MEIS2: variants seen among roughly 807,000 people sequenced by gnomAD.
MEIS2 encodes homeobox protein Meis2.
MEIS2 carries 9 observed loss-of-function variants against 58.6 expected under a neutral mutation model. The ratio of observed to expected loss-of-function variants is 0.15; its 90% confidence interval spans 0.09 to 0.27. The LOEUF (loss-of-function observed/expected upper bound fraction) is 0.27, where lower values mean the gene tolerates loss of function less well. Among genes scored for constraint, MEIS2 ranks in the 10% least tolerant of loss-of-function variants. The pLI is 1.00. For missense variants in MEIS2, 427 were observed against 635.0 expected, an observed-to-expected ratio of 0.67 and a Z score of 3.52; for synonymous variants, 221 against 228.4, an observed-to-expected ratio of 0.97 and a Z score of 0.29.
Position 36,989,891 on chromosome 15 carries a change from G to A in MEIS2, c.901-39491C>T, listed in dbSNP as rs549526234. On this transcript the variant is annotated intron_variant, in intron 8 of 11. Transcript: ENST00000561208. ...GTTGGTAGTCCCCATTAGGCTGTAGGTCACTTGAAGTGGGGGCATTGTATC... is the reference window on the plus strand; with the variant it reads ...GTTGGTAGTCCCCATTAGGCTGTAGATCACTTGAAGTGGGGGCATTGTATC... Among the ~76,000 whole-genome samples, 10 of 152,272 alleles carry A rather than the reference G, an allele frequency of 6.6e-5. No homozygotes were observed. The South Asian group carries it at 2.1e-3, about 32-fold the overall frequency.
chr15:36,919,594 A>C (rs934307525), intron 9 of MEIS2, among the ~76,000 whole-genome samples: 7 of 143,166 alleles, frequency 4.9e-5, no homozygotes, highest in Non-Finnish European at 1.1e-4. Flanking sequence ...AAAAAAAAAA[A>C]TTGGAAACAG....
At chr15:36,993,595 G>A (rs1167293231) in intron 8 of MEIS2, among the ~76,000 whole-genome samples, 1 of 152,062 alleles carries the variant, frequency 6.6e-6, no homozygotes, top group African/African-American at 2.4e-5. Context: ...TCACCTCCTA[G>A]ATCCCTAACA....
At chr15:36,940,131 C>T (rs2058323301) in intron 9 of MEIS2, among the ~76,000 whole-genome samples, 1 of 152,186 alleles carries the variant, frequency 6.6e-6, no homozygotes, top group African/African-American at 2.4e-5. Flanking sequence ...ATCTGCAGAG[C>T]TTTGGAACTG....
intron 8 of MEIS2, among the ~76,000 whole-genome samples, chr15:37,004,111 A>G (rs774860575): frequency 6.6e-6 from 1 of 152,234 alleles, no homozygotes; most frequent in Non-Finnish European, 1.5e-5. Flanking sequence ...TTGGGCCTCC[A>G]CAACTACTGG....
chr15:36,909,117 C>T (rs1369522995), intron 9 of MEIS2, among the ~76,000 whole-genome samples: 1 of 152,094 alleles, frequency 6.6e-6, no homozygotes, highest in Non-Finnish European at 1.5e-5. Context: ...TTGGCCTGGG[C>T]TGGGCTTTCT....
chr15:36,952,916 C>T (rs2058812436), intron 8 of MEIS2, among the ~76,000 whole-genome samples: 2 of 151,882 alleles, frequency 1.3e-5, no homozygotes, highest in Non-Finnish European at 2.9e-5. Flanking sequence ...CAAATTCCAT[C>T]CACAATCATT....
Position 36,972,585 on chromosome 15 carries a change from A to C in MEIS2, c.901-22185T>G, listed in dbSNP as rs146015011. On this transcript the variant is annotated intron_variant, in intron 8 of 11. Transcript: ENST00000561208. ...AGAAACTATTTTTAAAAATTCATTT[A>C]TGTGTCTTATGCCTTTTAAAATATT... Among the ~76,000 whole-genome samples the C allele has an allele frequency of 4.6e-4, 70 of 152,222 alleles. 1 individual carries two copies. The East Asian group carries it at 0.013, about 27-fold the overall frequency.
chr15:37,074,845 C>T (rs757231535), intron 7 of MEIS2, among the ~76,000 whole-genome samples: 5 of 152,078 alleles, frequency 3.3e-5, no homozygotes, highest in Non-Finnish European at 7.4e-5. Flanking sequence ...GACTTTTGAG[C>T]ATAGGTCTCG....
chr15:37,032,124 T>A (rs1231336396), intron 8 of MEIS2, among the ~76,000 whole-genome samples: 1 of 152,204 alleles, frequency 6.6e-6, no homozygotes, highest in Admixed American at 6.5e-5. Flanking sequence ...AAAATTTGCT[T>A]CTGATTCTGT....
intron 7 of MEIS2, among the ~76,000 whole-genome samples, chr15:37,065,402 T>A (rs1047021909): frequency 2.0e-5 from 3 of 152,186 alleles, no homozygotes; most frequent in African/African-American, 7.2e-5. Flanking sequence ...GGCTCTTTTT[T>A]ATTTTGTAGT....
At chr15:37,041,252 ACT>A (rs2038022358) in intron 7 of MEIS2, among the ~76,000 whole-genome samples, 1 of 152,080 alleles carries the variant, frequency 6.6e-6, no homozygotes. Context: ...TGAATCTGAA[ACT>A]CTAGGTGTGG....
At chr15:36,911,726 A>G (rs1293073718) in intron 9 of MEIS2, among the ~76,000 whole-genome samples, 2 of 152,174 alleles carry the variant, frequency 1.3e-5, no homozygotes, top group Non-Finnish European at 2.9e-5. Flanking sequence ...CATTCAGGCT[A>G]ACAGCAGTGA....
At chr15:37,000,584 G>A (rs763826617) in intron 8 of MEIS2, among the ~76,000 whole-genome samples, 6 of 151,574 alleles carry the variant, frequency 4.0e-5, no homozygotes, top group Non-Finnish European at 8.8e-5. Context: ...TCTTCGTATC[G>A]CTAATTGTAT....
chr15:36,998,243 T>TTG (rs1031022458), intron 8 of MEIS2, among the ~76,000 whole-genome samples: 1 of 143,062 alleles, frequency 7.0e-6, no homozygotes, highest in Non-Finnish European at 1.5e-5. Context: ...AAAGTTTTTT[T>TTG]TTTTTTTTTT....
intron 7 of MEIS2, among the ~76,000 whole-genome samples, chr15:37,054,897 G>T (rs1290428091): frequency 3.3e-5 from 5 of 152,192 alleles, no homozygotes; most frequent in Non-Finnish European, 7.3e-5. Flanking sequence ...GTGTTTTCTA[G>T]AATAACGACA....
rs1308496280 is a variant in MEIS2, at chr15:37,032,286, T to C, written c.900+4528A>G. On this transcript the variant is annotated intron_variant, in intron 8 of 11. Transcript: ENST00000561208. ...TGTTTCTAGTCCATGATCAAATATATTATTTGCAGCACAACTGGAGGAGCT... is the reference window on the plus strand; with the variant it reads ...TGTTTCTAGTCCATGATCAAATATACTATTTGCAGCACAACTGGAGGAGCT... 5.3e-5 allele frequency among the ~76,000 whole-genome samples: 8 copies of C among 152,278 alleles called. No individual in the cohort carries two copies. In the South Asian group the frequency reaches 6.2e-4, roughly 12 times the overall value.
chr15:36,996,640 T>C (rs1190279332), intron 8 of MEIS2, among the ~76,000 whole-genome samples: 3 of 152,052 alleles, frequency 2.0e-5, no homozygotes, highest in African/African-American at 7.2e-5. Flanking sequence ...TCTTAGTAGG[T>C]CAAATATCAT....
intron 7 of MEIS2, among the ~76,000 whole-genome samples, chr15:37,040,346 A>G (rs1210774322): frequency 6.6e-6 from 1 of 152,164 alleles, no homozygotes; most frequent in East Asian, 1.9e-4. Context: ...GGGTGAGTAA[A>G]TGACTGAACT....
intron 9 of MEIS2, among the ~76,000 whole-genome samples, chr15:36,910,931 G>T (rs2056984151): frequency 6.6e-6 from 1 of 151,790 alleles, no homozygotes; most frequent in Non-Finnish European, 1.5e-5. Flanking sequence ...TGTACTCCCG[G>T]CTATTCGAGA....
Sources: allele counts gnomAD v4.1 joint callset (sites outside exome capture counted in the v4.1 genomes callset), GRCh38; gene constraint gnomAD v4.1.1; transcripts MANE v1.5; gene names NCBI Gene and HGNC (gene_info 2026-07-23, HGNC 2026-07-21).